Variants in NRG3 observed in about 807,000 individuals in gnomAD.
NRG3 encodes the protein neuregulin 3, also known as pro-neuregulin-3, membrane-bound isoform.
A neutral mutation model predicts 66.9 loss-of-function variants in NRG3; 31 were observed. The ratio of observed to expected loss-of-function variants is 0.46; its 90% CI spans 0.35 to 0.63. The LOEUF (loss-of-function observed/expected upper bound fraction) is 0.63. NRG3 is among the 20% of genes least tolerant of loss of function. NRG3 has a pLI of 0.00. For missense variants in NRG3, 910 were observed against 878.9 expected (o/e 1.04, Z -0.45); for synonymous variants, 393 against 359.4 (o/e 1.09, Z -1.06).
chr10:82,898,429 G>A (rs563400959), intron 4 of NRG3, among the ~76,000 whole-genome samples: 2 of 152,256 alleles, frequency 1.3e-5, no homozygotes, highest in Non-Finnish European at 2.9e-5. Flanking sequence ...TCCCTACCCA[G>A]ATGGTCTTAA....
intron 1 of NRG3, among the ~76,000 whole-genome samples, chr10:82,342,578 G>C (rs574868580): frequency 2.0e-5 from 3 of 152,116 alleles, no homozygotes; most frequent in African/African-American, 7.2e-5. Context: ...CTTTTAAAAA[G>C]TGTGTGTTTA....
chr10:81,962,154 C>G (rs1850423213), intron 1 of NRG3, among the ~76,000 whole-genome samples: 1 of 152,194 alleles, frequency 6.6e-6, no homozygotes, highest in Non-Finnish European at 1.5e-5. Context: ...AGAACTGAAT[C>G]AGAATTTTAG....
chr10:82,419,799 G>T (rs2136226777), intron 2 of NRG3, among the ~76,000 whole-genome samples: 1 of 152,184 alleles, frequency 6.6e-6, no homozygotes, highest in East Asian at 1.9e-4. Flanking sequence ...TTTATTTTCA[G>T]TCTTTTACAT....
At chr10:82,415,402 GCTAATGAGTGCC>G (rs756031230) in intron 2 of NRG3, among the ~76,000 whole-genome samples, 18 of 152,122 alleles carry the variant, frequency 1.2e-4, no homozygotes, top group Admixed American at 1.2e-3. Flanking sequence ...ACAAAGGTTT[GCTAATGAGTGCC>G]CTTAATTTGT....
At chr10:82,031,008 T>C (rs556764112) in intron 1 of NRG3, among the ~76,000 whole-genome samples, 111 of 152,296 alleles carry the variant, frequency 7.3e-4, no homozygotes, top group Non-Finnish European at 1.3e-3. Flanking sequence ...TATCTAGATA[T>C]TCAAGTATTA....
intron 3 of NRG3, among the ~76,000 whole-genome samples, chr10:82,821,099 T>G (rs1177392093): frequency 6.6e-6 from 1 of 152,220 alleles, no homozygotes; most frequent in Non-Finnish European, 1.5e-5. Flanking sequence ...TCTATCCATT[T>G]CATGACCTTG....
At chr10:82,749,157 G>A (rs558013137) in intron 3 of NRG3, among the ~76,000 whole-genome samples, 1 of 152,268 alleles carries the variant, frequency 6.6e-6, no homozygotes, top group South Asian at 2.1e-4. Flanking sequence ...TTCAGTTGCA[G>A]TCGGAGTAGG....
chr10:82,651,558 G>A lies in NRG3; in HGVS notation c.954-87019G>A, dbSNP rs1420452858. Among the ~76,000 whole-genome samples the A allele has an allele frequency of 2.0e-5, 3 of 152,324 alleles. No individual in the cohort carries two copies. The East Asian group carries it at 5.8e-4, about 29-fold the overall frequency. ...GAAGCCTACATGACAAGGAACTGAG[G>A]ACTCCTTGGCAATAGCCAGTGACGA... On this transcript the variant is annotated intron_variant, in intron 2 of 8. Transcript: ENST00000372141.
chr10:82,692,395 T>G (rs1359032250), intron 2 of NRG3, among the ~76,000 whole-genome samples: 1 of 152,212 alleles, frequency 6.6e-6, no homozygotes, highest in Non-Finnish European at 1.5e-5. Context: ...CAGCACTTTT[T>G]CAATGATATT....
intron 1 of NRG3, among the ~76,000 whole-genome samples, chr10:82,125,676 A>C (rs1456878282): frequency 6.6e-6 from 1 of 151,964 alleles, no homozygotes; most frequent in Non-Finnish European, 1.5e-5. Context: ...TTTCTCCAAA[A>C]TATTGAACTC....
intron 4 of NRG3, among the ~76,000 whole-genome samples, chr10:82,929,327 A>G (rs1323945363): frequency 6.6e-6 from 1 of 152,154 alleles, no homozygotes; most frequent in Non-Finnish European, 1.5e-5. Context: ...GAGCCACTCT[A>G]TCTAAAACTA....
intron 2 of NRG3, among the ~76,000 whole-genome samples, chr10:82,707,841 T>C (rs1176755431): frequency 1.4e-5 from 1 of 73,312 alleles, no homozygotes. Flanking sequence ...AAACATCATC[T>C]CTACTAAAAA....
At chr10:82,084,709 C>T (rs2065618415) in intron 1 of NRG3, among the ~76,000 whole-genome samples, 1 of 152,038 alleles carries the variant, frequency 6.6e-6, no homozygotes, top group Non-Finnish European at 1.5e-5. Context: ...ACTGTCAAAT[C>T]ACCCCCAGTG....
At chr10:82,284,910 TTGC>T (rs1388761827) in intron 1 of NRG3, among the ~76,000 whole-genome samples, 1 of 152,192 alleles carries the variant, frequency 6.6e-6, no homozygotes, top group African/African-American at 2.4e-5. Context: ...TAATTGGCGC[TTGC>T]TAGTAGACAG....
At chr10:82,723,693 A>G (rs1238132893) in intron 2 of NRG3, among the ~76,000 whole-genome samples, 2 of 152,176 alleles carry the variant, frequency 1.3e-5, no homozygotes, top group African/African-American at 4.8e-5. Flanking sequence ...TTAAAAACAT[A>G]AATAGTCCAG....
intron 1 of NRG3, among the ~76,000 whole-genome samples, chr10:82,027,451 G>C (rs1263023728): frequency 6.6e-6 from 1 of 151,990 alleles, no homozygotes; most frequent in Admixed American, 6.6e-5. Flanking sequence ...AACTATGTTT[G>C]AAAGAATGAA....
intron 1 of NRG3, among the ~76,000 whole-genome samples, chr10:82,250,123 T>C (rs754450919): frequency 6.6e-6 from 1 of 152,314 alleles, no homozygotes; most frequent in African/African-American, 2.4e-5. Flanking sequence ...TTTGACACTT[T>C]AGTAGTTTAT....
Position 82,979,970 on chromosome 10 carries a change from G to A in NRG3, c.1583+850G>A, listed in dbSNP as rs141394807. On this transcript the variant is annotated intron_variant, in intron 8 of 8. Transcript: ENST00000372141. ...CATAGTCCCAGCACTTTGGGAGGCTGAGGCATGCAGATCACTTGAGCTCAG... is the reference window on the plus strand; with the variant it reads ...CATAGTCCCAGCACTTTGGGAGGCTAAGGCATGCAGATCACTTGAGCTCAG... Among the ~76,000 whole-genome samples, 200 of 152,246 alleles carry A rather than the reference G, an allele frequency of 1.3e-3. 3 individuals are homozygous for A. The highest frequency in any genetic ancestry group is 4.9e-4 in the Non-Finnish European group (33 of 68,012).
In NRG3 at chr10:82,311,518, T is replaced by C. The variant is rs1156458376; in HGVS notation, c.824-47221T>C. Among the ~76,000 whole-genome samples, 3 of 152,124 alleles carry C rather than the reference T, an allele frequency of 2.0e-5. No homozygotes were observed. In the East Asian group the frequency reaches 5.8e-4, roughly 29 times the overall value. On this transcript the variant is annotated intron_variant, in intron 1 of 8. Coordinates refer to ENST00000372141, the MANE Select transcript of NRG3 (RefSeq NM_001010848.4). ...AAATCTGGGTATATTTATTTTTCAT[T>C]ATAGCTAAATAAAATAAAAAACCGA...
Sources: gnomAD v4.1 joint callset for allele counts (sites outside exome capture counted in the v4.1 genomes callset) on GRCh38, gnomAD v4.1.1 for gene constraint, MANE v1.5 for transcripts, NCBI Gene and HGNC (gene_info 2026-07-23, HGNC 2026-07-21) for gene names.